Variants in ADGRL2 observed in about 807,000 individuals in gnomAD.
ADGRL2 encodes the protein adhesion G protein-coupled receptor L2.
Under a neutral mutation model 157.4 loss-of-function variants are expected in ADGRL2, and 44 were observed. That is an observed-to-expected ratio of 0.28 (90% CI 0.22 to 0.36). The LOEUF is 0.36. Among genes scored for constraint, ADGRL2 ranks in the 10% least tolerant of loss-of-function variants. The probability of loss-of-function intolerance (pLI) is 1.00; values close to 1 mark genes in which losing one functional copy is unlikely to be tolerated. For synonymous variants in ADGRL2, 585 were observed against 624.7 expected (o/e 0.94, Z 0.95); for missense variants, 1,510 against 1,768.9 (o/e 0.85, Z 2.63).
chr1:81,393,677 C>G (rs1245119968), intron 1 of ADGRL2, among the ~76,000 whole-genome samples: 1 of 152,044 alleles, frequency 6.6e-6, no homozygotes, highest in African/African-American at 2.4e-5. Context: ...ATACGATCAC[C>G]TAGCCAAAGT....
chr1:81,378,159 T>TAG (rs1385080664), intron 1 of ADGRL2, among the ~76,000 whole-genome samples: 1 of 146,226 alleles, frequency 6.8e-6, no homozygotes, highest in East Asian at 2.1e-4. Flanking sequence ...ATCTTGGCAA[T>TAG]AGAGAGAGAC....
chr1:81,906,972 T>A, intron 2 of ADGRL2, 45 bp from the exon 3 acceptor site: 7 of 1,433,484 alleles, frequency 4.9e-6, no homozygotes, highest in Non-Finnish European at 5.8e-6. Flanking sequence ...ATAATTTATC[T>A]TATAAATGAG....
intron 1 of ADGRL2, among the ~76,000 whole-genome samples, chr1:81,424,631 C>T (rs1032483896): frequency 2.0e-5 from 3 of 152,120 alleles, no homozygotes; most frequent in East Asian, 1.9e-4. Context: ...TGAGGTTAAG[C>T]CTTGGCTTTA....
intron 2 of ADGRL2, among the ~76,000 whole-genome samples, chr1:81,878,355 ATATT>A (rs10569554): frequency 0.51 from 77,384 of 151,546 alleles, 20,617 homozygotes; most frequent in East Asian, 0.86. Flanking sequence ...GCTTTGTAAT[ATATT>A]TATTTGGTGA....
intron 3 of ADGRL2, among the ~76,000 whole-genome samples, chr1:81,921,378 T>A (rs1005830907): frequency 6.6e-6 from 1 of 152,196 alleles, no homozygotes; most frequent in South Asian, 2.1e-4. Flanking sequence ...TGTAAAAAAT[T>A]TTAAAATTGC....
intron 1 of ADGRL2, among the ~76,000 whole-genome samples, chr1:81,814,142 G>A (rs1416611487): frequency 6.6e-6 from 1 of 151,682 alleles, no homozygotes; most frequent in Non-Finnish European, 1.5e-5. Flanking sequence ...TCGGTTTAAA[G>A]TAACCATGAT....
At chr1:81,442,118 G>A (rs972481138) in intron 1 of ADGRL2, among the ~76,000 whole-genome samples, 14 of 152,004 alleles carry the variant, frequency 9.2e-5, no homozygotes, top group Non-Finnish European at 1.9e-4. Context: ...ATTCAATATG[G>A]GATTCATTGA....
intron 1 of ADGRL2, among the ~76,000 whole-genome samples, chr1:81,408,307 C>T (rs966599265): frequency 3.8e-5 from 5 of 131,914 alleles, no homozygotes; most frequent in East Asian, 2.5e-4. Context: ...CACTGTAACA[C>T]AGAATGCTCA....
intron 11 of ADGRL2, among the ~76,000 whole-genome samples, chr1:81,963,740 G>T (rs914475752): frequency 1.3e-5 from 2 of 151,074 alleles, no homozygotes; most frequent in Non-Finnish European, 1.5e-5. Flanking sequence ...AATTTAATTT[G>T]TCCAGGATAT....
chr1:81,874,292 G>C (rs2093772752), intron 2 of ADGRL2, among the ~76,000 whole-genome samples: 1 of 152,104 alleles, frequency 6.6e-6, no homozygotes, highest in South Asian at 2.1e-4. Context: ...AGTGTCAGTT[G>C]TACCTTTTGG....
At position 81,649,890 on chromosome 1, in the gene ADGRL2, A is replaced by G. The variant is rs558186070; in HGVS notation, c.-143+68910A>G. Among the ~76,000 whole-genome samples the G allele has an allele frequency of 4.6e-5, 7 of 152,316 alleles. No homozygotes were observed. In the East Asian group the frequency reaches 1.2e-3, roughly 25 times the overall value. On this transcript the variant is annotated intron_variant, in intron 3 of 24. Transcript: ENST00000370721. ...ACTCTGCCACTAAGGAATGATGATC[A>G]CTAACTGTCTTAATCTTTCTAAAAC...
At chr1:81,869,033 G>A (rs2093624466) in intron 2 of ADGRL2, among the ~76,000 whole-genome samples, 1 of 152,012 alleles carries the variant, frequency 6.6e-6, no homozygotes, top group African/African-American at 2.4e-5. Context: ...CAGTAGAGAT[G>A]GTGTAAAGAA....
At chr1:81,785,669 C>A (rs978158257) in intron 2 of ADGRL2, among the ~76,000 whole-genome samples, 4 of 151,882 alleles carry the variant, frequency 2.6e-5, no homozygotes, top group African/African-American at 7.3e-5. Flanking sequence ...TCCAGAGGGC[C>A]TTGAGCTATG....
intron 1 of ADGRL2, among the ~76,000 whole-genome samples, chr1:81,373,856 A>G (rs1471110532): frequency 6.6e-6 from 1 of 152,244 alleles, no homozygotes; most frequent in East Asian, 1.9e-4. Flanking sequence ...GTGATTTAGG[A>G]GACATAATCT....
At chr1:81,433,316 T>C (rs905433785) in intron 1 of ADGRL2, among the ~76,000 whole-genome samples, 2 of 152,340 alleles carry the variant, frequency 1.3e-5, no homozygotes, top group South Asian at 2.1e-4. Flanking sequence ...ATCTCCTCCA[T>C]GTCCTCCTTA....
intron 2 of ADGRL2, chr1:81,501,665 A>C: frequency 6.8e-7 from 1 of 1,472,714 alleles, no homozygotes; most frequent in Non-Finnish European, 9.2e-7. Flanking sequence ...CTCCTCCGCC[A>C]CCCGAAAACC....
At chr1:81,966,013 A>T in intron 11 of ADGRL2, 45 bp from the exon 12 acceptor site, 1 of 1,604,126 alleles carries the variant, frequency 6.2e-7, no homozygotes, top group Non-Finnish European at 8.5e-7. Context: ...TTAACTCTTA[A>T]AGAATCCTTT....
intron 1 of ADGRL2, among the ~76,000 whole-genome samples, chr1:81,737,758 A>G (rs1459434808): frequency 6.6e-6 from 1 of 152,242 alleles, no homozygotes; most frequent in Non-Finnish European, 1.5e-5. Context: ...TAAATAACCA[A>G]CAGAATGGTA....
At chr1:81,422,524 C>T (rs535140734) in intron 1 of ADGRL2, among the ~76,000 whole-genome samples, 1 of 152,356 alleles carries the variant, frequency 6.6e-6, no homozygotes, top group East Asian at 1.9e-4. Context: ...GGATCACAGG[C>T]GTGGGCCACC....
Sources: gnomAD v4.1 joint callset for allele counts (sites outside exome capture counted in the v4.1 genomes callset) on GRCh38, gnomAD v4.1.1 for gene constraint, MANE v1.5 for transcripts, NCBI Gene and HGNC (gene_info 2026-07-23, HGNC 2026-07-21) for gene names.